Variants in VAT1L observed in about 807,000 individuals in gnomAD.
VAT1L encodes putative NADPH-dependent quinone oxidoreductase VAT1L.
In VAT1L, 34 loss-of-function variants were observed where a neutral mutation model predicts 44.1. The observed-to-expected ratio is 0.77, with a 90% CI of 0.59 to 1.03. The LOEUF (loss-of-function observed/expected upper bound fraction) is 1.03, where lower values mean the gene tolerates loss of function less well. Ranked by LOEUF, VAT1L falls within the 50% of genes least tolerant of loss-of-function variation. The probability of loss-of-function intolerance (pLI) is 0.00; values close to 1 mark genes in which losing one functional copy is unlikely to be tolerated. For missense variants in VAT1L, 615 were observed against 538.8 expected (o/e 1.14, Z -1.40); for synonymous variants, 253 against 202.2 (o/e 1.25, Z -2.13).
chr16:77,929,787 C>G (rs924607168), intron 7 of VAT1L, among the ~76,000 whole-genome samples: 1 of 152,168 alleles, frequency 6.6e-6, no homozygotes, highest in Non-Finnish European at 1.5e-5. Flanking sequence ...AGCAAACTGT[C>G]CGAGGAGACC....
intron 4 of VAT1L, among the ~76,000 whole-genome samples, chr16:77,874,682 T>C (rs2017068806): frequency 6.6e-6 from 1 of 152,128 alleles, no homozygotes. Context: ...AGCCCCTTAG[T>C]GGCATGAGAC....
rs909481928 is a variant in VAT1L at position 77,916,190 on chromosome 16, G to C, written c.1077+31388G>C. On this transcript the variant is annotated intron_variant, in intron 7 of 8. Transcript: ENST00000302536. ...GGGCAGGGAAATCACAACCTCTGCT[G>C]TAATTCCTGGAAGTCAGTTTGGGTT... is the stretch of plus-strand genomic sequence containing the variant. Among the ~76,000 whole-genome samples the C allele has an allele frequency of 3.3e-5, 5 of 152,290 alleles. No homozygotes were observed. In the South Asian group the frequency reaches 6.2e-4, roughly 19 times the overall value.
intron 1 of VAT1L, among the ~76,000 whole-genome samples, chr16:77,811,370 T>C (rs577918478): frequency 7.9e-5 from 12 of 152,270 alleles, no homozygotes; most frequent in Admixed American, 3.9e-4. Flanking sequence ...CTTAGTGATA[T>C]CTTTTAAGAA....
At chr16:77,909,435 G>C (rs535833721) in intron 7 of VAT1L, among the ~76,000 whole-genome samples, 2 of 152,100 alleles carry the variant, frequency 1.3e-5, no homozygotes, top group South Asian at 2.1e-4. Flanking sequence ...TCAGGAGTTC[G>C]AGACCAGCCT....
At chr16:77,877,050 A>C (rs2017095466) in intron 5 of VAT1L, among the ~76,000 whole-genome samples, 1 of 152,188 alleles carries the variant, frequency 6.6e-6, no homozygotes, top group Non-Finnish European at 1.5e-5. Flanking sequence ...GATGGAACTC[A>C]TGTCTGTTTC....
chr16:77,803,001 G>C (rs961014363), intron 1 of VAT1L, among the ~76,000 whole-genome samples: 3 of 152,130 alleles, frequency 2.0e-5, no homozygotes, highest in African/African-American at 2.4e-5. Context: ...AGAAAGAATA[G>C]GGCTCAAATC....
chr16:77,807,274 C>A (rs528536117), intron 1 of VAT1L, among the ~76,000 whole-genome samples: 4 of 152,290 alleles, frequency 2.6e-5, no homozygotes, highest in African/African-American at 9.6e-5. Context: ...ACTCCCCCAG[C>A]TACCAGGAAT....
At chr16:77,971,650 G>C (rs531377444) in intron 7 of VAT1L, among the ~76,000 whole-genome samples, 200 bp from the exon 8 acceptor site, 2 of 152,122 alleles carry the variant, frequency 1.3e-5, no homozygotes, top group Non-Finnish European at 2.9e-5. Flanking sequence ...CCCAGAAGAT[G>C]TTTGCACAAG....
At chr16:77,799,388 C>A in intron 1 of VAT1L, among the ~76,000 whole-genome samples, 1 of 151,942 alleles carries the variant, frequency 6.6e-6, no homozygotes, top group Non-Finnish European at 1.5e-5. Context: ...TCTCCTCTTT[C>A]TCTCTCTGGC....
At chr16:77,952,204 C>G (rs1047327199) in intron 7 of VAT1L, among the ~76,000 whole-genome samples, 2 of 152,144 alleles carry the variant, frequency 1.3e-5, no homozygotes, top group African/African-American at 4.8e-5. Context: ...AAATAATTTA[C>G]AATATCAAGT....
At chr16:77,825,486 C>A in intron 3 of VAT1L, 25 bp downstream of exon 3, 3 of 1,555,728 alleles carry the variant, frequency 1.9e-6, no homozygotes, top group South Asian at 1.2e-5. Flanking sequence ...TGTAACTTCT[C>A]TTCTTTAAGG....
chr16:77,920,967 TACACACAC>T (rs925929098), intron 7 of VAT1L, among the ~76,000 whole-genome samples: 1 of 149,942 alleles, frequency 6.7e-6, no homozygotes, highest in African/African-American at 2.4e-5. Context: ...TGTGCATATA[TACACACAC>T]ACACATACAT....
At chr16:77,955,330 C>A (rs1021137153) in intron 7 of VAT1L, among the ~76,000 whole-genome samples, 18 of 152,158 alleles carry the variant, frequency 1.2e-4, no homozygotes, top group African/African-American at 4.3e-4. Flanking sequence ...TGAGCAGAGG[C>A]CAAGGATGCT....
At chr16:77,955,748 AGAAT>A (rs2018097076) in intron 7 of VAT1L, among the ~76,000 whole-genome samples, 1 of 144,260 alleles carries the variant, frequency 6.9e-6, no homozygotes, top group Non-Finnish European at 1.5e-5. Flanking sequence ...AAAAAGAGAG[AGAAT>A]GGAATGAGTG....
intron 7 of VAT1L, among the ~76,000 whole-genome samples, chr16:77,951,162 G>C (rs1036227050): frequency 6.6e-6 from 1 of 152,240 alleles, no homozygotes; most frequent in Non-Finnish European, 1.5e-5. Context: ...AGTCCAGACG[G>C]TATGCAACTC....
At chr16:77,966,573 C>G (rs4888704) in intron 7 of VAT1L, among the ~76,000 whole-genome samples, 35,654 of 152,074 alleles carry the variant, frequency 0.23, 4,618 homozygotes, top group South Asian at 0.32. Context: ...GTTACCAGCT[C>G]CAGAAACATG....
intron 7 of VAT1L, among the ~76,000 whole-genome samples, chr16:77,935,786 C>T (rs895083495): frequency 5.9e-5 from 9 of 152,162 alleles, no homozygotes; most frequent in African/African-American, 2.2e-4. Context: ...CATAAACTAC[C>T]TGTGTGACCA....
chr16:77,803,928 C>T (rs1051361382), intron 1 of VAT1L, among the ~76,000 whole-genome samples: 1 of 152,134 alleles, frequency 6.6e-6, no homozygotes, highest in African/African-American at 2.4e-5. Context: ...TTCAGTGATA[C>T]TTTCTGTGAG....
chr16:77,842,023 A>G (rs912041202), intron 3 of VAT1L, among the ~76,000 whole-genome samples: 1 of 151,900 alleles, frequency 6.6e-6, no homozygotes, highest in Non-Finnish European at 1.5e-5. Flanking sequence ...GAGTAGCTGG[A>G]ACTACAGGCA....
Sources: allele counts gnomAD v4.1 joint callset (sites outside exome capture counted in the v4.1 genomes callset), GRCh38; gene constraint gnomAD v4.1.1; transcripts MANE v1.5; gene names NCBI Gene and HGNC (gene_info 2026-07-23, HGNC 2026-07-21).